Variants in FILIP1 observed in about 807,000 individuals in gnomAD.
The protein encoded by FILIP1 is filamin A interacting protein 1, also known as filamin-A-interacting protein 1.
In FILIP1, 61 loss-of-function variants were observed where a neutral mutation model predicts 102.1. That is an observed-to-expected ratio of 0.60 (90% confidence interval 0.49 to 0.74). The LOEUF is 0.74. FILIP1 is among the 30% of genes least tolerant of loss of function. The pLI is 0.00. For missense variants in FILIP1, 1,314 were observed against 1,441.2 expected (o/e 0.91, Z 1.43); for synonymous variants, 491 against 526.9 (o/e 0.93, Z 0.93).
At chr6:75,436,864 T>G (rs1047983018) in intron 1 of FILIP1, among the ~76,000 whole-genome samples, 2 of 152,078 alleles carry the variant, frequency 1.3e-5, no homozygotes, top group African/African-American at 4.8e-5. Flanking sequence ...TTGGTAGCAT[T>G]TGCACTTCCC....
chr6:75,303,128 G>T (rs1051982247), downstream of FILIP1, among the ~76,000 whole-genome samples: 2 of 152,174 alleles, frequency 1.3e-5, no homozygotes, highest in African/African-American at 4.8e-5. Context: ...ATGGTTACCA[G>T]GTTTCTAGCT....
chr6:75,408,143 T>A (rs1776936519), intron 2 of FILIP1, among the ~76,000 whole-genome samples: 1 of 152,222 alleles, frequency 6.6e-6, no homozygotes, highest in Admixed American at 6.5e-5. Context: ...AATAAGAATG[T>A]TCCAATTTAT....
chr6:75,312,649 G>A lies in FILIP1; in HGVS notation c.3183C>T (p.Thr1061=). ...RKYNSNANII[T]TEDNKIHIHL... ...GAATGTGAATTTTATTGTCCTCTGTGGTTATGATATTGGCATTGGAGTTGT... is the reference window on the plus strand; with the variant it reads ...GAATGTGAATTTTATTGTCCTCTGTAGTTATGATATTGGCATTGGAGTTGT... Residue 1061 remains threonine, a synonymous_variant, in exon 5 of 6, where the codon ACC becomes ACT. Transcript: ENST00000237172. The A allele has an allele frequency of 6.2e-7, 1 of 1,614,146 alleles. No individual in the cohort carries two copies. The highest frequency in any genetic ancestry group is 8.5e-7 in the Non-Finnish European group (1 of 1,180,036).
chr6:75,408,235 C>A (rs781726224), intron 2 of FILIP1, among the ~76,000 whole-genome samples: 1 of 152,180 alleles, frequency 6.6e-6, no homozygotes, highest in African/African-American at 2.4e-5. Flanking sequence ...GCAGGCCATG[C>A]GGGCCAGTCA....
At chr6:75,413,125 G>T (rs1777132869) in intron 2 of FILIP1, among the ~76,000 whole-genome samples, 1 of 152,078 alleles carries the variant, frequency 6.6e-6, no homozygotes, top group South Asian at 2.1e-4. Context: ...ACTTTCCAGA[G>T]TTCACCATGA....
chr6:75,320,269 T>C (rs1468147262), intron 4 of FILIP1, among the ~76,000 whole-genome samples: 1 of 151,914 alleles, frequency 6.6e-6, no homozygotes, highest in African/African-American at 2.4e-5. Context: ...GAAACATAAA[T>C]CTGTAGGCTG....
intron 6 of FILIP1, among the ~76,000 whole-genome samples, chr6:75,296,370 T>C (rs1482037553): frequency 6.6e-6 from 1 of 151,396 alleles, no homozygotes; most frequent in African/African-American, 2.4e-5. Context: ...TGTGTGTGTG[T>C]GTGTGTGTGT....
At chr6:75,393,980 C>A (rs964482981) in intron 2 of FILIP1, among the ~76,000 whole-genome samples, 1 of 151,934 alleles carries the variant, frequency 6.6e-6, no homozygotes, top group African/African-American at 2.4e-5. Flanking sequence ...CTTAGAGGTA[C>A]TAGCAGAGGC....
intron 1 of FILIP1, chr6:75,453,934 T>C (rs1216704684): frequency 2.2e-6 from 1 of 456,344 alleles, no homozygotes; most frequent in Admixed American, 2.3e-5. Context: ...ACAGAAACAA[T>C]GACAAAGAAC....
intron 1 of FILIP1, among the ~76,000 whole-genome samples, chr6:75,422,720 G>C (rs972516411): frequency 3.3e-5 from 5 of 152,170 alleles, no homozygotes; most frequent in Admixed American, 1.3e-4. Flanking sequence ...TTAACCACCT[G>C]ATAGACATTG....
chr6:75,453,107 C>G (rs189812430), intron 1 of FILIP1, among the ~76,000 whole-genome samples: 115 of 152,300 alleles, frequency 7.6e-4, no homozygotes, highest in African/African-American at 2.6e-3. Flanking sequence ...CTTGGATTAC[C>G]CTAAGCTGGT....
At chr6:75,379,210 A>G (rs569863856) in intron 2 of FILIP1, among the ~76,000 whole-genome samples, 1 of 152,352 alleles carries the variant, frequency 6.6e-6, no homozygotes, top group Non-Finnish European at 1.5e-5. Flanking sequence ...ATTCACAACC[A>G]AGCCATGACT....
chr6:75,474,972 ACCTTCCG>A (rs1197167634), intron 1 of FILIP1, among the ~76,000 whole-genome samples: 1 of 151,014 alleles, frequency 6.6e-6, no homozygotes, highest in Non-Finnish European at 1.5e-5. Flanking sequence ...CTCCCCCTTC[ACCTTCCG>A]CCATGATTAT....
intron 2 of FILIP1, among the ~76,000 whole-genome samples, chr6:75,407,661 C>T (rs1000857683): frequency 7.9e-5 from 12 of 152,126 alleles, no homozygotes; most frequent in East Asian, 3.9e-4. Context: ...AAAATACCAA[C>T]GCCAAATGGA....
intron 2 of FILIP1, among the ~76,000 whole-genome samples, chr6:75,368,570 G>A (rs567159982): frequency 3.4e-4 from 52 of 152,272 alleles, no homozygotes; most frequent in Non-Finnish European, 6.5e-4. Flanking sequence ...GGCTAAGGAC[G>A]TCACCTAGAA....
intron 3 of FILIP1, among the ~76,000 whole-genome samples, chr6:75,358,893 T>C (rs1397808256): frequency 6.6e-6 from 1 of 151,416 alleles, no homozygotes; most frequent in African/African-American, 2.4e-5. Flanking sequence ...TGGCTAATTT[T>C]TTGTATTTTT....
At chr6:75,485,734 G>T (rs1420892921) in intron 1 of FILIP1, among the ~76,000 whole-genome samples, 1 of 152,056 alleles carries the variant, frequency 6.6e-6, no homozygotes, top group African/African-American at 2.4e-5. Context: ...AAAGATAAAA[G>T]AATTAAATAA....
chr6:75,450,262 G>A (rs1582525539), intron 1 of FILIP1, among the ~76,000 whole-genome samples: 1 of 152,140 alleles, frequency 6.6e-6, no homozygotes, highest in Non-Finnish European at 1.5e-5. Context: ...ATAGGCATGA[G>A]CCACCATGCC....
chr6:75,299,305 C>G (rs1437195575), intron 6 of FILIP1, among the ~76,000 whole-genome samples: 2 of 152,058 alleles, frequency 1.3e-5, no homozygotes, highest in Admixed American at 6.5e-5. Context: ...TCTTACAGAT[C>G]ATAATTTTGC....
Sources: allele counts gnomAD v4.1 joint callset (sites outside exome capture counted in the v4.1 genomes callset), GRCh38; gene constraint gnomAD v4.1.1; transcripts MANE v1.5; gene names NCBI Gene and HGNC (gene_info 2026-07-23, HGNC 2026-07-21).